The following DNAH17 variants were observed in gnomAD, a reference collection of about 807,000 sequenced individuals.
The protein encoded by DNAH17 is dynein axonemal heavy chain 17.
In DNAH17, 376 loss-of-function variants were observed where a neutral mutation model predicts 485.6. That is an observed-to-expected ratio of 0.77 (90% CI 0.71 to 0.84). DNAH17 has a LOEUF of 0.84. Ranked by LOEUF, DNAH17 falls within the 40% of genes least tolerant of loss-of-function variation. The pLI is 0.00. For synonymous variants in DNAH17, 3,031 were observed against 2,405.9 expected (o/e 1.26, Z -7.60); for missense variants, 6,370 against 5,839.3 (o/e 1.09, Z -2.96).
intron 77 of DNAH17, among the ~76,000 whole-genome samples, chr17:78,427,333 C>T (rs896020013): frequency 6.6e-6 from 1 of 152,242 alleles, no homozygotes; most frequent in Non-Finnish European, 1.5e-5. Flanking sequence ...CTACAAGTCC[C>T]TGCAGCCGCG....
chr17:78,459,372 T>C (rs922319820), intron 60 of DNAH17, among the ~76,000 whole-genome samples, 164 bp from the exon 61 acceptor site: 4 of 151,968 alleles, frequency 2.6e-5, no homozygotes, highest in African/African-American at 9.7e-5. Flanking sequence ...CCGGCTCTGC[T>C]CTCCCACTCC....
chr17:78,499,999 C>G (rs4969164), intron 36 of DNAH17: 71,360 of 294,290 alleles, frequency 0.24, 9,145 homozygotes, highest in South Asian at 0.3. Context: ...GAGGGAGGTG[C>G]TCACCCCTGT....
At chr17:78,511,806 G>A (rs1454589790) in intron 26 of DNAH17, among the ~76,000 whole-genome samples, 1 of 152,240 alleles carries the variant, frequency 6.6e-6, no homozygotes, top group Non-Finnish European at 1.5e-5. Context: ...CTTTCATGGA[G>A]ATATTTAGCT....
At position 78,450,740 on chromosome 17, in the gene DNAH17, G is replaced by A. The variant is rs776901255; in HGVS notation, c.10841C>T (p.Thr3614Met). ...GGTCTCCAGATTCTCCACCAAGGCC[G>A]TGTCTCCCAGAAAGTTCCCCGACGC... ...SAASGNFLGD[T>M]ALVENLETTK... Residue 3614 changes from threonine to methionine, a missense_variant, in exon 67 of 81, where the codon ACG becomes ATG. Thr to Met is a moderately conservative substitution (Grantham distance 81). Coordinates refer to ENST00000389840, the MANE Select transcript of DNAH17 (RefSeq NM_173628.4). 80 of 1,613,894 alleles carry A rather than the reference G, an allele frequency of 5.0e-5. No homozygotes were observed. The Middle Eastern group carries it at 3.1e-3, about 63-fold the overall frequency.
intron 26 of DNAH17, among the ~76,000 whole-genome samples, chr17:78,511,640 C>T (rs536718445): frequency 6.6e-6 from 1 of 152,350 alleles, no homozygotes; most frequent in East Asian, 1.9e-4. Context: ...CGTCCCTTGT[C>T]TAATATTCTT....
At chr17:78,433,459 G>A (rs1430683777) in intron 75 of DNAH17, among the ~76,000 whole-genome samples, 4 of 152,218 alleles carry the variant, frequency 2.6e-5, no homozygotes, top group Admixed American at 6.5e-5. Flanking sequence ...GACCGTTTAC[G>A]GAGGATGTGT....
chr17:78,445,156 A>G (rs2146472946), intron 70 of DNAH17, among the ~76,000 whole-genome samples: 2 of 146,808 alleles, frequency 1.4e-5, no homozygotes, highest in East Asian at 4.1e-4. Flanking sequence ...GACTGTGTCC[A>G]GGAATCTGAA....
chr17:78,526,667 T>C lies in DNAH17; in HGVS notation c.3695A>G (p.Tyr1232Cys). 3 of 1,609,522 alleles carry C rather than the reference T, an allele frequency of 1.9e-6. No homozygotes were observed. The highest frequency in any genetic ancestry group is 2.5e-6 in the Non-Finnish European group (3 of 1,176,770). ...CAAAAATACCTTATTCAGGGACTTGTAGGGGTTGGGGTCGCTGAAGGAGAA... is the reference window on the plus strand; with the variant it reads ...CAAAAATACCTTATTCAGGGACTTGCAGGGGTTGGGGTCGCTGAAGGAGAA... ...APFSFSDPNP[Y>C]KSLNKQQKSI... Residue 1232 changes from tyrosine to cysteine, a missense_variant, in exon 24 of 81, where the codon TAC (tyrosine) becomes TGC (cysteine). Tyr to Cys is a radical substitution (Grantham distance 194). Transcript: ENST00000389840.
chr17:78,462,460 G>T (rs77493878), intron 57 of DNAH17, among the ~76,000 whole-genome samples: 2 of 152,104 alleles, frequency 1.3e-5, no homozygotes, highest in African/African-American at 4.8e-5. Flanking sequence ...GATCCATACG[G>T]TGTGGAGGAA....
intron 66 of DNAH17, among the ~76,000 whole-genome samples, chr17:78,451,179 G>A (rs1411549791): frequency 2.0e-5 from 3 of 152,260 alleles, no homozygotes; most frequent in Non-Finnish European, 2.9e-5. Flanking sequence ...GCAGGGCAGC[G>A]CTTTGGAGCT....
chr17:78,533,748 G>T (rs563526218), intron 19 of DNAH17, among the ~76,000 whole-genome samples: 4 of 152,114 alleles, frequency 2.6e-5, no homozygotes. Flanking sequence ...GCAGTGGCCC[G>T]ATCTCAGCTC....
intron 9 of DNAH17, among the ~76,000 whole-genome samples, chr17:78,568,653 A>G (rs1216701688): frequency 3.3e-5 from 5 of 152,106 alleles, no homozygotes; most frequent in African/African-American, 9.7e-5. Context: ...TGGCGCAATC[A>G]TGACTCACCA....
chr17:78,566,897 C>G, intron 10 of DNAH17, 102 bp downstream of exon 10: 1 of 1,429,342 alleles, frequency 7.0e-7, no homozygotes, highest in Non-Finnish European at 9.4e-7. Context: ...TCACCTGGCA[C>G]CTGCTTCCTC....
chr17:78,539,433 G>A (rs953141640), intron 18 of DNAH17, among the ~76,000 whole-genome samples: 2 of 152,058 alleles, frequency 1.3e-5, no homozygotes, highest in African/African-American at 4.8e-5. Context: ...AGGGGGCAGT[G>A]GTGTCCACTT....
intron 18 of DNAH17, among the ~76,000 whole-genome samples, chr17:78,538,322 G>A (rs541564790): frequency 1.3e-5 from 2 of 152,240 alleles, no homozygotes; most frequent in Non-Finnish European, 2.9e-5. Context: ...AGGCTGCAGG[G>A]CTGCAGGTGC....
chr17:78,529,715 T>C, intron 21 of DNAH17, 21 bp from the exon 22 acceptor site: 4 of 1,611,886 alleles, frequency 2.5e-6, no homozygotes, highest in Non-Finnish European at 3.4e-6. Context: ...AGGGGACCAT[T>C]TGTGTGGCCC....
chr17:78,548,731 G>A (rs141140511), intron 16 of DNAH17, among the ~76,000 whole-genome samples: 1 of 152,214 alleles, frequency 6.6e-6, no homozygotes, highest in South Asian at 2.1e-4. Context: ...CAGGCCTGAT[G>A]GACTGAGTTT....
rs151034395 is a variant in DNAH17, at chr17:78,454,258, C to T, written c.10406+212G>A. Among the ~76,000 whole-genome samples, 407 of 152,344 alleles carry T rather than the reference C, an allele frequency of 2.7e-3. 7 individuals are homozygous for T. The highest frequency in any genetic ancestry group is 1.6e-3 in the Non-Finnish European group (108 of 68,024). ...GAGCCTCCGTCTCACTCTCCTTTCC[C>T]TGCAGGAGCAGCAGGTGATGGGGAC... On this transcript the variant is annotated intron_variant, in intron 64 of 80. Coordinates refer to ENST00000389840, the MANE Select transcript of DNAH17 (RefSeq NM_173628.4).
rs775005828 is a variant in DNAH17 at position 78,451,651 on chromosome 17, CCTT to C, written c.10549_10551del (p.Lys3517del). On this transcript the variant is annotated inframe_deletion, in exon 66 of 81. Transcript: ENST00000389840. ...CGGAACTTGGGGTGGTACTCCACCT[CCTT>C]GTCACCGATCTTAATGTACCTGGCG... 3.8e-6 allele frequency: 6 copies of C among 1,580,158 alleles called. No homozygotes were observed. In the African/African-American group the frequency reaches 8.2e-5, roughly 22 times the overall value.
Sources: gnomAD v4.1 joint callset for allele counts (sites outside exome capture counted in the v4.1 genomes callset) on GRCh38, gnomAD v4.1.1 for gene constraint, MANE v1.5 for transcripts, NCBI Gene and HGNC (gene_info 2026-07-23, HGNC 2026-07-21) for gene names.